The following HSPB8 variants were observed in gnomAD, a reference collection of about 807,000 sequenced individuals.
The protein encoded by HSPB8 is heat shock protein family B (small) member 8, also known as heat shock protein beta-8.
A neutral mutation model predicts 16.5 loss-of-function variants in HSPB8; 9 were observed. The ratio of observed to expected loss-of-function variants is 0.55; its 90% CI spans 0.33 to 0.95. The LOEUF (loss-of-function observed/expected upper bound fraction) is 0.95, where lower values mean the gene tolerates loss of function less well. HSPB8 is among the 40% of genes least tolerant of loss of function. The pLI, the probability that HSPB8 is intolerant of heterozygous loss-of-function variation, is 0.03. For synonymous variants in HSPB8, 99 were observed against 94.8 expected (o/e 1.04, Z -0.26); for missense variants, 238 against 251.2 (o/e 0.95, Z 0.35).
intron 1 of HSPB8, among the ~76,000 whole-genome samples, chr12:119,183,625 T>C (rs543678788): frequency 6.6e-6 from 1 of 152,308 alleles, no homozygotes; most frequent in Admixed American, 6.5e-5. Flanking sequence ...GTCTTCATGA[T>C]AAAATATGTA....
In HSPB8 at chr12:119,179,200, AT is replaced by A. The variant is rs750990822; in HGVS notation, c.-109del. 1.1e-5 allele frequency: 13 copies of A among 1,142,556 alleles called. No individual in the cohort carries two copies. Among genetic ancestry groups the A allele is most frequent in the Non-Finnish European group, 1.7e-5 (13 of 772,954 alleles). The allele number at this position is 1,142,556 out of a possible 1,614,324, so 70.8% of individuals were successfully genotyped here. A position where few individuals can be genotyped will look rare whatever the true frequency, so the allele number is the denominator to read the frequency against. On this transcript the variant is annotated 5_prime_UTR_variant, in exon 1 of 3. Transcript: ENST00000281938. ...CTGCTTCTCCCTGCAGAAAAGCAGC[AT>A]TTTCGGAAGCTGAAGAATAAGCTAG...
At chr12:119,181,435 T>C (rs1320452476) in intron 1 of HSPB8, among the ~76,000 whole-genome samples, 3 of 152,128 alleles carry the variant, frequency 2.0e-5, no homozygotes, top group Admixed American at 2.0e-4. Flanking sequence ...GATTAGCCTT[T>C]CCAAAGGAGA....
Position 119,193,818 on chromosome 12 carries a change from A to G in HSPB8, c.551A>G (p.Asn184Ser). The change falls in exon 3 of 3, where the codon AAC becomes AGC. Residue 184 changes from asparagine (N) to serine (S), a missense_variant. Physicochemically the swap from Asn to Ser is conservative, Grantham distance 46 (BLOSUM62 1). Transcript: ENST00000281938. ...ACATTTGGAGAGAGCAGTTTCAACA[A>G]CGAGCTTCCCCAGGACAGCCAGGAA... ...YSTFGESSFN[N>S]ELPQDSQEVT... 1.2e-6 allele frequency: 2 copies of G among 1,614,170 alleles called. No homozygotes were observed. Among genetic ancestry groups the G allele is most frequent in the Non-Finnish European group, 1.7e-6 (2 of 1,180,042 alleles).
intron 2 of HSPB8, among the ~76,000 whole-genome samples, chr12:119,189,424 G>C (rs921590541): frequency 6.6e-6 from 1 of 151,818 alleles, no homozygotes; most frequent in East Asian, 1.9e-4. Context: ...CTCCAGGCTG[G>C]TGCTCAGCTG....
At chr12:119,181,867 A>G (rs1441251056) in intron 1 of HSPB8, among the ~76,000 whole-genome samples, 1 of 152,210 alleles carries the variant, frequency 6.6e-6, no homozygotes, top group Non-Finnish European at 1.5e-5. Flanking sequence ...ATCTATGATA[A>G]TATATGCGGA....
At chr12:119,188,130 G>A (rs1223051804) in intron 2 of HSPB8, among the ~76,000 whole-genome samples, 2 of 152,042 alleles carry the variant, frequency 1.3e-5, no homozygotes, top group African/African-American at 2.4e-5. Flanking sequence ...GTGTGGTCAC[G>A]ATGGCTGCAC....
chr12:119,188,648 C>T (rs1203038632), intron 2 of HSPB8, among the ~76,000 whole-genome samples: 1 of 152,154 alleles, frequency 6.6e-6, no homozygotes, highest in Admixed American at 6.5e-5. Flanking sequence ...GAAACTAAGT[C>T]TCCCACAGGT....
chr12:119,194,144 T>C lies in HSPB8; in HGVS notation c.*286T>C, dbSNP rs1020107553. On this transcript the variant is annotated 3_prime_UTR_variant, in exon 3 of 3. Transcript: ENST00000281938. ...GCACATTCTATAGTTGCAAAACACA[T>C]AAAAGGGGACTTAACATTTCACGTT... The C allele has an allele frequency of 4.3e-6, 2 of 463,676 alleles. No homozygotes were observed. The highest frequency in any genetic ancestry group is 3.9e-5 in the African/African-American group (2 of 50,652). The allele number at this position is 463,676 out of a possible 1,614,324, so 28.7% of individuals were successfully genotyped here.
chr12:119,193,981 G>A lies in HSPB8; in HGVS notation c.*123G>A, dbSNP rs987225344. The A allele has an allele frequency of 1.0e-4, 106 of 1,041,946 alleles. 1 individual carries two copies. The Middle Eastern group carries it at 1.2e-3, about 12-fold the overall frequency. 64.5% of individuals were successfully genotyped at this position (1,041,946 alleles called of 1,614,324 possible). On this transcript the variant is annotated 3_prime_UTR_variant, in exon 3 of 3. Transcript: ENST00000281938. ...AAAATGTTAGAGGGTGCGGGGGTGA[G>A]GACTGACCACAGATTCCCTGGATAG... is the stretch of plus-strand genomic sequence containing the variant.
In HSPB8 at chr12:119,187,896, A is replaced by G. The variant is rs117226603; in HGVS notation, c.431+808A>G. On this transcript the variant is annotated intron_variant, in intron 2 of 2. Coordinates refer to ENST00000281938, the MANE Select transcript of HSPB8 (RefSeq NM_014365.3). ...GGCATCCACAAAAATGAAGTTGGAA[A>G]GTGTCCTGAGAACACTGCATACTAC... 9.1e-3 allele frequency among the ~76,000 whole-genome samples: 1,393 copies of G among 152,322 alleles called. 6 individuals carry two copies. Among genetic ancestry groups the G allele is most frequent in the Middle Eastern group, 0.02 (6 of 294 alleles).
intron 2 of HSPB8, among the ~76,000 whole-genome samples, chr12:119,187,944 A>C (rs987045367): frequency 6.6e-6 from 1 of 152,200 alleles, no homozygotes; most frequent in Non-Finnish European, 1.5e-5. Context: ...GGAGGCTGAG[A>C]CACTGGGACA....
At chr12:119,189,559 G>A (rs1447363404) in intron 2 of HSPB8, among the ~76,000 whole-genome samples, 1 of 151,980 alleles carries the variant, frequency 6.6e-6, no homozygotes, top group Non-Finnish European at 1.5e-5. Flanking sequence ...AGATCATCGG[G>A]CATTAGATTC....
chr12:119,187,144 G>A (rs1954681693), intron 2 of HSPB8, 56 bp downstream of exon 2: 2 of 1,408,914 alleles, frequency 1.4e-6, no homozygotes, highest in African/African-American at 1.4e-5. Context: ...GGGCACACCT[G>A]GGACCCATGA....
chr12:119,180,537 T>C (rs1954630178), intron 1 of HSPB8, among the ~76,000 whole-genome samples: 1 of 152,104 alleles, frequency 6.6e-6, no homozygotes, highest in Admixed American at 6.5e-5. Context: ...TGGGACTCGT[T>C]CACAGTCATG....
chr12:119,181,560 G>A (rs1282742920), intron 1 of HSPB8, among the ~76,000 whole-genome samples: 1 of 152,126 alleles, frequency 6.6e-6, no homozygotes, highest in Non-Finnish European at 1.5e-5. Context: ...TAGTGATTTG[G>A]GGGCCCCAAG....
In HSPB8 at chr12:119,189,399, A is replaced by T. The variant is rs556576560; in HGVS notation, c.431+2311A>T. ...AGCTTGCTGGAAGTAACCTGATGAG[A>T]AATGCCTGAAATTGCTCCAGGCTGG... On this transcript the variant is annotated intron_variant, in intron 2 of 2. Coordinates refer to ENST00000281938, the MANE Select transcript of HSPB8 (RefSeq NM_014365.3). Among the ~76,000 whole-genome samples the T allele has an allele frequency of 6.6e-5, 10 of 151,588 alleles. No individual in the cohort carries two copies. The East Asian group carries it at 1.7e-3, about 26-fold the overall frequency.
At chr12:119,184,998 G>A (rs907276160) in intron 1 of HSPB8, among the ~76,000 whole-genome samples, 2 of 152,124 alleles carry the variant, frequency 1.3e-5, no homozygotes, top group African/African-American at 4.8e-5. Context: ...CCATTTGATA[G>A]AATACTGATA....
chr12:119,180,905 G>A lies in HSPB8; in HGVS notation c.367+1226G>A, dbSNP rs553549183. Among the ~76,000 whole-genome samples, 4 of 152,302 alleles carry A rather than the reference G, an allele frequency of 2.6e-5. No individual in the cohort carries two copies. The East Asian group carries it at 7.7e-4, about 29-fold the overall frequency. On this transcript the variant is annotated intron_variant, in intron 1 of 2. Coordinates refer to ENST00000281938, the MANE Select transcript of HSPB8 (RefSeq NM_014365.3). The stretch of plus-strand genomic sequence containing the variant: ...ATCAGAGGCTCCAGCGGGTGTGGTG[G>A]GCTGGGAGACACGCTGGGGCCACGT...
intron 2 of HSPB8, among the ~76,000 whole-genome samples, chr12:119,189,580 C>T (rs1263170732): frequency 6.6e-6 from 1 of 152,086 alleles, no homozygotes; most frequent in Admixed American, 6.6e-5. Context: ...TCATAAGAAG[C>T]ATGCAACCTA....
Sources: allele counts gnomAD v4.1 joint callset (sites outside exome capture counted in the v4.1 genomes callset), GRCh38; gene constraint gnomAD v4.1.1; transcripts MANE v1.5; gene names NCBI Gene and HGNC (gene_info 2026-07-23, HGNC 2026-07-21).